The following SMS variants were observed in gnomAD, a reference collection of about 807,000 sequenced individuals.
The protein encoded by SMS is spermidine aminopropyltransferase.
Under a neutral mutation model 33.0 loss-of-function variants are expected in SMS, and 3 were observed. That is an observed-to-expected ratio of 0.09 (90% confidence interval 0.04 to 0.23). SMS has a LOEUF of 0.23. Ranked by LOEUF, SMS falls within the 10% of genes least tolerant of loss-of-function variation. The pLI, the probability that SMS is intolerant of heterozygous loss-of-function variation, is 1.00. For missense variants in SMS, 117 were observed against 288.6 expected, an observed-to-expected ratio of 0.41 and a Z score of 4.31; for synonymous variants, 103 against 112.2, an observed-to-expected ratio of 0.92 and a Z score of 0.52.
At chrX:21,983,661 A>G (rs780988795) in intron 7 of SMS, among the ~76,000 whole-genome samples, 2 of 111,492 alleles carry the variant, frequency 1.8e-5, no homozygotes, top group Non-Finnish European at 3.8e-5. Context: ...GAGAAATAAC[A>G]TGTTAATAGT....
intron 7 of SMS, among the ~76,000 whole-genome samples, chrX:21,980,808 G>T (rs1010701185): frequency 6.3e-5 from 7 of 111,642 alleles, no homozygotes; most frequent in African/African-American, 2.3e-4. Context: ...ATTTGATAAA[G>T]TGATTGGATA....
chrX:21,944,939 A>C (rs888077696), intron 1 of SMS, among the ~76,000 whole-genome samples: 7 of 112,069 alleles, frequency 6.2e-5, no homozygotes, highest in African/African-American at 1.9e-4. Context: ...AGATTGTGCC[A>C]CTGCACTCCA....
Position 21,984,287 on chromosome X carries a change from C to G in SMS, c.751-17C>G. On this transcript the variant is annotated splice_polypyrimidine_tract_variant and intron_variant, in intron 7 of 10. Coordinates refer to ENST00000404933, the MANE Select transcript of SMS (RefSeq NM_004595.5). Reference sequence around the variant, plus strand: ...CCACATGTTGGCTCACTCATCTATTCCTGTTCTTTCTGGAAGGTTCTAATA... The same window carrying G: ...CCACATGTTGGCTCACTCATCTATTGCTGTTCTTTCTGGAAGGTTCTAATA... 1.0e-6 allele frequency: 1 copy of G among 957,077 alleles called. No individual in the cohort carries two copies. The allele number at this position is 957,077 out of a possible 1,213,427, so 78.9% of individuals were successfully genotyped here. A position where few individuals can be genotyped will look rare whatever the true frequency, so the allele number is the denominator to read the frequency against.
At chrX:21,969,502 G>C (rs143526218) in intron 2 of SMS, among the ~76,000 whole-genome samples, 2 of 111,799 alleles carry the variant, frequency 1.8e-5, no homozygotes, top group East Asian at 5.7e-4. Context: ...GCCTCTCACT[G>C]TTTTTACTGT....
intron 3 of SMS, 100 bp from the exon 4 acceptor site, chrX:21,972,407 T>G: frequency 1.7e-6 from 1 of 572,707 alleles, no homozygotes; most frequent in Non-Finnish European, 3.0e-6. Flanking sequence ...CAGGTCAATC[T>G]TGCACAGCTC....
intron 1 of SMS, among the ~76,000 whole-genome samples, chrX:21,950,478 C>T (rs1922532635): frequency 1.0e-5 from 1 of 98,990 alleles, no homozygotes; most frequent in South Asian, 4.8e-4. Flanking sequence ...GGATGCAGTA[C>T]AGAACGTGCA....
intron 2 of SMS, among the ~76,000 whole-genome samples, chrX:21,969,094 C>T (rs1923941205): frequency 9.0e-6 from 1 of 111,082 alleles, no homozygotes; most frequent in South Asian, 3.8e-4. Context: ...CCATGATATT[C>T]CAGAGACCTA....
chrX:21,969,527 G>T (rs1207787708), intron 2 of SMS, among the ~76,000 whole-genome samples: 1 of 111,475 alleles, frequency 9.0e-6, no homozygotes, highest in Non-Finnish European at 1.9e-5. Context: ...CATCTTTTGG[G>T]GACTACAGCA....
chrX:21,977,812 A>G, intron 5 of SMS, 148 bp from the exon 6 acceptor site: 1 of 590,867 alleles, frequency 1.7e-6, no homozygotes, highest in Non-Finnish European at 2.9e-6. Flanking sequence ...CCTCAATGGA[A>G]AAAAAGCTTG....
chrX:21,959,974 A>G, intron 1 of SMS: 1 of 744,147 alleles, frequency 1.3e-6, no homozygotes, highest in Non-Finnish European at 1.6e-6. Context: ...GGGCCCTTGG[A>G]CTTAGGTGGC....
intron 7 of SMS, among the ~76,000 whole-genome samples, chrX:21,981,513 A>G (rs1484533159): frequency 4.5e-5 from 5 of 112,003 alleles, no homozygotes; most frequent in Non-Finnish European, 5.6e-5. Context: ...TTAATGTACT[A>G]TAAGGCACGA....
chrX:21,971,835 TCTC>T, intron 2 of SMS, 59 bp from the exon 3 acceptor site: 6 of 762,669 alleles, frequency 7.9e-6, no homozygotes, highest in Non-Finnish European at 1.0e-5. Flanking sequence ...TCTCTCTCTC[TCTC>T]TTTTTTTTTT....
intron 7 of SMS, among the ~76,000 whole-genome samples, chrX:21,982,776 G>A (rs1394483422): frequency 8.9e-6 from 1 of 112,636 alleles, no homozygotes; most frequent in African/African-American, 3.2e-5. Flanking sequence ...TTGTGTTTGT[G>A]TGCAAGTATT....
intron 9 of SMS, among the ~76,000 whole-genome samples, chrX:21,989,706 C>T (rs1925626634): frequency 9.0e-6 from 1 of 111,557 alleles, no homozygotes; most frequent in African/African-American, 3.3e-5. Context: ...AATCAATCAC[C>T]TGCACATCTC....
chrX:21,951,114 C>T (rs929270132), intron 1 of SMS, among the ~76,000 whole-genome samples: 3 of 111,893 alleles, frequency 2.7e-5, no homozygotes, highest in Non-Finnish European at 3.8e-5. Context: ...TTGTTGTTTC[C>T]TGACTTTTTA....
At chrX:21,957,173 A>G (rs1320844711) in intron 1 of SMS, among the ~76,000 whole-genome samples, 2 of 102,086 alleles carry the variant, frequency 2.0e-5, no homozygotes, top group African/African-American at 3.7e-5. Flanking sequence ...TTTTTTTTGC[A>G]TAAGAATGTA....
At chrX:21,941,192 C>G (rs975417716) in intron 1 of SMS, 1 of 112,387 alleles carries the variant, frequency 8.9e-6, no homozygotes, top group Non-Finnish European at 1.9e-5. Context: ...GCGGGCTCGC[C>G]GCCTTCGCGC....
chrX:21,952,823 G>T (rs1040769419), intron 1 of SMS, among the ~76,000 whole-genome samples: 1 of 109,532 alleles, frequency 9.1e-6, no homozygotes, highest in Non-Finnish European at 1.9e-5. Context: ...ACTCACTGCA[G>T]CCTTGACCTC....
At chrX:21,983,271 CT>C (rs1312424946) in intron 7 of SMS, among the ~76,000 whole-genome samples, 21 of 111,001 alleles carry the variant, frequency 1.9e-4, no homozygotes, top group African/African-American at 6.9e-4. Flanking sequence ...TACTCCTGGG[CT>C]CCATTGTTCC....
Sources: gnomAD v4.1 joint callset for allele counts (sites outside exome capture counted in the v4.1 genomes callset) on GRCh38, gnomAD v4.1.1 for gene constraint, MANE v1.5 for transcripts, NCBI Gene and HGNC (gene_info 2026-07-23, HGNC 2026-07-21) for gene names.